Variants in PXDNL observed in about 807,000 individuals in gnomAD.
PXDNL encodes peroxidasin like.
PXDNL carries 145 observed loss-of-function variants against 150.8 expected under a neutral mutation model. The ratio of observed to expected loss-of-function variants is 0.96; its 90% CI spans 0.84 to 1.10. The LOEUF is 1.10. Ranked by LOEUF, PXDNL falls within the 50% of genes least tolerant of loss-of-function variation. PXDNL has a pLI of 0.00. For missense variants in PXDNL, 2,087 were observed against 1,873.9 expected (o/e 1.11, Z -2.10); for synonymous variants, 757 against 725.7 (o/e 1.04, Z -0.69).
intron 8 of PXDNL, among the ~76,000 whole-genome samples, chr8:51,466,036 G>GAA (rs112190024): frequency 2.7e-5 from 4 of 147,974 alleles, no homozygotes; most frequent in African/African-American, 9.9e-5. Flanking sequence ...CACAGATTTA[G>GAA]AAAAAAAAAA....
At chr8:51,436,734 A>C (rs1586105743) in intron 12 of PXDNL, among the ~76,000 whole-genome samples, 1 of 152,288 alleles carries the variant, frequency 6.6e-6, no homozygotes, top group South Asian at 2.1e-4. Context: ...TCATAGCCTT[A>C]AATGCCTACA....
chr8:51,498,797 A>C (rs1368213316), intron 5 of PXDNL, among the ~76,000 whole-genome samples: 2 of 152,174 alleles, frequency 1.3e-5, no homozygotes, highest in African/African-American at 4.8e-5. Context: ...TATTTCTGCT[A>C]CCTCTTTTAA....
intron 9 of PXDNL, among the ~76,000 whole-genome samples, chr8:51,456,576 C>A (rs562463375): frequency 2.6e-5 from 4 of 152,318 alleles, no homozygotes; most frequent in African/African-American, 9.6e-5. Flanking sequence ...AATAAACTTA[C>A]AATCAAATAA....
intron 4 of PXDNL, among the ~76,000 whole-genome samples, chr8:51,523,268 A>C (rs1045110752): frequency 5.9e-5 from 9 of 152,208 alleles, no homozygotes; most frequent in African/African-American, 2.2e-4. Context: ...ATGTTGTTAA[A>C]CATCTATAAG....
chr8:51,721,450 G>A (rs879576702), intron 1 of PXDNL, among the ~76,000 whole-genome samples: 1 of 152,080 alleles, frequency 6.6e-6, no homozygotes, highest in Non-Finnish European at 1.5e-5. Flanking sequence ...TTGAAAAGCA[G>A]TCATAATATA....
intron 2 of PXDNL, among the ~76,000 whole-genome samples, chr8:51,627,613 G>A (rs900872625): frequency 1.3e-5 from 2 of 152,124 alleles, no homozygotes; most frequent in African/African-American, 4.8e-5. Context: ...AAAATATCAA[G>A]CAGTAACTGT....
chr8:51,724,909 T>G (rs998874189), intron 1 of PXDNL, among the ~76,000 whole-genome samples: 1 of 152,132 alleles, frequency 6.6e-6, no homozygotes, highest in South Asian at 2.1e-4. Context: ...TACCCCCTAA[T>G]TGCTCCCCTC....
chr8:51,446,257 GA>G (rs1305200349), intron 12 of PXDNL, among the ~76,000 whole-genome samples: 1 of 152,136 alleles, frequency 6.6e-6, no homozygotes, highest in Admixed American at 6.5e-5. Flanking sequence ...CCTCTGAATT[GA>G]GATCTAATAC....
chr8:51,647,887 C>A (rs1056418296), intron 2 of PXDNL, among the ~76,000 whole-genome samples: 1 of 152,006 alleles, frequency 6.6e-6, no homozygotes, highest in Admixed American at 6.6e-5. Flanking sequence ...AGGGACTCAA[C>A]AATATTAGCT....
chr8:51,739,166 C>A (rs1585712980), intron 1 of PXDNL, among the ~76,000 whole-genome samples: 1 of 151,930 alleles, frequency 6.6e-6, no homozygotes, highest in East Asian at 1.9e-4. Context: ...TCATTTTACA[C>A]AGAAAAAGCA....
chr8:51,337,479 C>T (rs1242116121), intron 21 of PXDNL, among the ~76,000 whole-genome samples: 6 of 152,160 alleles, frequency 3.9e-5, no homozygotes, highest in South Asian at 2.1e-4. Flanking sequence ...ATAGGGTTTC[C>T]GGACTCTGTG....
rs567235366 is a variant in PXDNL at position 51,610,236 on chromosome 8, G to A, written c.237-17538C>T. 2.0e-5 allele frequency among the ~76,000 whole-genome samples: 3 copies of A among 152,256 alleles called. No individual in the cohort carries two copies. In the East Asian group the frequency reaches 5.8e-4, roughly 29 times the overall value. ...GCAACAAGAAGCCTGTGCCATTTGG[G>A]ACTAACTGGGCTTGGAGTCCACATT... On this transcript the variant is annotated intron_variant, in intron 2 of 22. Transcript: ENST00000356297.
At chr8:51,474,110 G>C (rs1027852246) in intron 7 of PXDNL, among the ~76,000 whole-genome samples, 3 of 152,092 alleles carry the variant, frequency 2.0e-5, no homozygotes, top group Non-Finnish European at 4.4e-5. Context: ...TAATTATATT[G>C]ATATGATTTT....
At position 51,625,875 on chromosome 8, in the gene PXDNL, A is replaced by G. The variant is rs917016349; in HGVS notation, c.236+28814T>C. Among the ~76,000 whole-genome samples, 8 of 152,194 alleles carry G rather than the reference A, an allele frequency of 5.3e-5. No individual in the cohort carries two copies. In the South Asian group the frequency reaches 1.0e-3, roughly 20 times the overall value. ...TCTCTCTTTCCTCTTCTTCATAATC[A>G]GACTTACTTAACAGCCAAGCGAAGA... On this transcript the variant is annotated intron_variant, in intron 2 of 22. Transcript: ENST00000356297.
chr8:51,785,196 C>T (rs1435615822), intron 1 of PXDNL, among the ~76,000 whole-genome samples: 1 of 151,938 alleles, frequency 6.6e-6, no homozygotes, highest in East Asian at 1.9e-4. Context: ...CCAGAATCCA[C>T]TGTTTTGATT....
chr8:51,527,643 G>A (rs989429360), intron 4 of PXDNL, among the ~76,000 whole-genome samples: 2 of 152,192 alleles, frequency 1.3e-5, no homozygotes, highest in African/African-American at 4.8e-5. Flanking sequence ...AAAGTGAGCT[G>A]CAGGCAGTAA....
At chr8:51,477,561 G>A (rs1161359288) in intron 6 of PXDNL, among the ~76,000 whole-genome samples, 1 of 152,150 alleles carries the variant, frequency 6.6e-6, no homozygotes, top group East Asian at 1.9e-4. Context: ...TATTGTGTTC[G>A]AAGTTCACAT....
intron 19 of PXDNL, among the ~76,000 whole-genome samples, chr8:51,370,475 G>C (rs142843760): frequency 6.6e-6 from 1 of 152,192 alleles, no homozygotes; most frequent in Non-Finnish European, 1.5e-5. Flanking sequence ...GAAGAGGGGG[G>C]ACTATTTCAT....
intron 1 of PXDNL, among the ~76,000 whole-genome samples, chr8:51,692,549 G>A (rs536568241): frequency 6.6e-6 from 1 of 152,186 alleles, no homozygotes; most frequent in South Asian, 2.1e-4. Context: ...TAAATCAAAA[G>A]GTCAAAGAAA....
Sources: gnomAD v4.1 joint callset for allele counts (sites outside exome capture counted in the v4.1 genomes callset) on GRCh38, gnomAD v4.1.1 for gene constraint, MANE v1.5 for transcripts, NCBI Gene and HGNC (gene_info 2026-07-23, HGNC 2026-07-21) for gene names.